NRXN3: variants seen among roughly 807,000 people sequenced by gnomAD.
The protein encoded by NRXN3 is neurexin 3, also known as neurexin III.
A neutral mutation model predicts 137.6 loss-of-function variants in NRXN3; 32 were observed. That is an observed-to-expected ratio of 0.23 (90% CI 0.18 to 0.31). The LOEUF (loss-of-function observed/expected upper bound fraction) is 0.31. Ranked by LOEUF, NRXN3 falls within the 10% of genes least tolerant of loss-of-function variation. NRXN3 has a pLI of 1.00. For synonymous variants in NRXN3, 798 were observed against 784.5 expected (o/e 1.02, Z -0.29); for missense variants, 1,574 against 2,062.5 (o/e 0.76, Z 4.59).
Position 78,283,771 on chromosome 14 carries a change from A to G in NRXN3, c.727+5109A>G, listed in dbSNP as rs57305909. Among the ~76,000 whole-genome samples, 644 of 152,172 alleles carry G rather than the reference A, an allele frequency of 4.2e-3. 8 individuals are homozygous for G. The highest frequency in any genetic ancestry group is 0.014 in the African/African-American group (585 of 41,506). ...TGATCCACCTGCCTCAGCCTCCCCA[A>G]GTGCTGGGATTACAGGTGTGAGCCA... On this transcript the variant is annotated intron_variant, in intron 3 of 20. Coordinates refer to ENST00000335750, the MANE Select transcript of NRXN3 (RefSeq NM_001330195.2).
chr14:79,257,623 T>C (rs1413921411), intron 15 of NRXN3, among the ~76,000 whole-genome samples: 1 of 144,598 alleles, frequency 6.9e-6, no homozygotes, highest in Admixed American at 7.0e-5. Flanking sequence ...GTGACGATGG[T>C]ATTAGGAGGT....
At chr14:78,609,832 G>A (rs886267056) in intron 4 of NRXN3, among the ~76,000 whole-genome samples, 57 of 152,140 alleles carry the variant, frequency 3.7e-4, no homozygotes, top group African/African-American at 1.1e-3. Context: ...TGGGGCTTGG[G>A]CTGCCAGGAA....
intron 15 of NRXN3, among the ~76,000 whole-genome samples, chr14:79,143,320 A>G (rs1034610739): frequency 5.9e-5 from 9 of 152,146 alleles, no homozygotes; most frequent in African/African-American, 2.2e-4. Flanking sequence ...CAGTCTTTTT[A>G]TGTTGGCTCC....
chr14:78,249,939 G>A (rs912674373), intron 2 of NRXN3, among the ~76,000 whole-genome samples: 2 of 152,166 alleles, frequency 1.3e-5, no homozygotes, highest in African/African-American at 4.8e-5. Context: ...TCTGGAGAAG[G>A]TTTTTGAAGC....
intron 16 of NRXN3, among the ~76,000 whole-genome samples, chr14:79,629,475 T>G (rs945865355): frequency 2.0e-5 from 3 of 152,226 alleles, no homozygotes; most frequent in African/African-American, 7.2e-5. Flanking sequence ...TCTTCCAGTA[T>G]TCCAGCTTGG....
chr14:78,567,748 T>C (rs1162264823), intron 4 of NRXN3, among the ~76,000 whole-genome samples: 1 of 152,122 alleles, frequency 6.6e-6, no homozygotes, highest in African/African-American at 2.4e-5. Flanking sequence ...AAAATTATGA[T>C]GTCAGCCCTG....
At chr14:78,289,740 C>G (rs1024625528) in intron 3 of NRXN3, among the ~76,000 whole-genome samples, 1 of 151,910 alleles carries the variant, frequency 6.6e-6, no homozygotes, top group Non-Finnish European at 1.5e-5. Flanking sequence ...ATGGTTAAAC[C>G]CCGTCTCTAC....
chr14:78,952,768 A>AAGTTACTGT (rs1422592772), intron 10 of NRXN3, among the ~76,000 whole-genome samples: 3 of 152,202 alleles, frequency 2.0e-5, no homozygotes, highest in Admixed American at 2.0e-4. Flanking sequence ...AAGGGAAATC[A>AAGTTACTGT]AGTTACTGTT....
rs1602277061 is a variant in NRXN3, at chr14:79,571,271, C to T, written c.3445-92507C>T. On this transcript the variant is annotated intron_variant, in intron 16 of 20. Transcript: ENST00000335750. Reference sequence around the variant, plus strand: ...TTTGTTAAGCAAATGGACTATTTTACAATCCAAGAAAATGAACAAAATTCC... The same window carrying T: ...TTTGTTAAGCAAATGGACTATTTTATAATCCAAGAAAATGAACAAAATTCC... Among the ~76,000 whole-genome samples the T allele has an allele frequency of 3.3e-5, 5 of 152,176 alleles. No individual in the cohort carries two copies. In the East Asian group the frequency reaches 5.8e-4, roughly 18 times the overall value.
chr14:79,600,585 A>G (rs1567623462), intron 16 of NRXN3, among the ~76,000 whole-genome samples: 1 of 152,208 alleles, frequency 6.6e-6, no homozygotes, highest in Non-Finnish European at 1.5e-5. Context: ...TCAGCAGGGG[A>G]GAGATGTGAG....
At chr14:79,438,943 G>A (rs1003782878) in intron 15 of NRXN3, among the ~76,000 whole-genome samples, 1 of 152,238 alleles carries the variant, frequency 6.6e-6, no homozygotes, top group Non-Finnish European at 1.5e-5. Context: ...TAAGCCTGTT[G>A]CACACAGTTT....
At chr14:79,404,607 G>T (rs1165244550) in intron 15 of NRXN3, among the ~76,000 whole-genome samples, 11 of 152,086 alleles carry the variant, frequency 7.2e-5, no homozygotes, top group Admixed American at 7.2e-4. Flanking sequence ...TAAACTAGGG[G>T]CATACACTGC....
chr14:78,567,620 C>T, intron 4 of NRXN3, among the ~76,000 whole-genome samples: 1 of 152,166 alleles, frequency 6.6e-6, no homozygotes, highest in Non-Finnish European at 1.5e-5. Context: ...CAACGCCAGG[C>T]AGGAAATAGG....
At chr14:78,576,116 T>C (rs970780388) in intron 4 of NRXN3, among the ~76,000 whole-genome samples, 1 of 152,208 alleles carries the variant, frequency 6.6e-6, no homozygotes, top group African/African-American at 2.4e-5. Context: ...TTATCATAAT[T>C]AATGCATTAA....
intron 4 of NRXN3, among the ~76,000 whole-genome samples, chr14:78,354,507 G>A (rs541871998): frequency 9.9e-5 from 15 of 152,132 alleles, no homozygotes; most frequent in African/African-American, 3.1e-4. Flanking sequence ...TGCCTCTTTC[G>A]CTCCCCATGC....
intron 19 of NRXN3, among the ~76,000 whole-genome samples, chr14:79,704,135 T>TACAAC (rs780338011): frequency 9.2e-5 from 14 of 152,178 alleles, no homozygotes; most frequent in Non-Finnish European, 2.1e-4. Flanking sequence ...GCTGAACAGT[T>TACAAC]ACAACACATA....
intron 16 of NRXN3, among the ~76,000 whole-genome samples, chr14:79,575,832 A>G (rs1479445070): frequency 6.6e-6 from 1 of 152,204 alleles, no homozygotes; most frequent in Non-Finnish European, 1.5e-5. Context: ...AATATTTTCA[A>G]TCAATCATGC....
At chr14:78,570,828 GT>G (rs2152313177) in intron 4 of NRXN3, among the ~76,000 whole-genome samples, 1 of 152,320 alleles carries the variant, frequency 6.6e-6, no homozygotes, top group African/African-American at 2.4e-5. Flanking sequence ...GCATTTGGAA[GT>G]TTACCCGTAT....
intron 15 of NRXN3, among the ~76,000 whole-genome samples, chr14:79,273,960 G>C (rs960931743): frequency 1.3e-5 from 2 of 151,922 alleles, no homozygotes; most frequent in African/African-American, 4.8e-5. Flanking sequence ...AGCCGGGCAT[G>C]GTGGTGCATT....
Sources: gnomAD v4.1 joint callset for allele counts (sites outside exome capture counted in the v4.1 genomes callset) on GRCh38, gnomAD v4.1.1 for gene constraint, MANE v1.5 for transcripts, NCBI Gene and HGNC (gene_info 2026-07-23, HGNC 2026-07-21) for gene names.